The following GPC5 variants were observed in gnomAD, a reference collection of about 807,000 sequenced individuals.
GPC5 encodes glypican-5.
Under a neutral mutation model 53.9 loss-of-function variants are expected in GPC5, and 47 were observed. The ratio of observed to expected loss-of-function variants is 0.87; its 90% CI spans 0.69 to 1.11. The LOEUF (loss-of-function observed/expected upper bound fraction) is 1.11. Among genes scored for constraint, GPC5 ranks in the 50% most tolerant of loss-of-function variants. GPC5 has a pLI of 0.00. For missense variants in GPC5, 748 were observed against 713.1 expected (o/e 1.05, Z -0.56); for synonymous variants, 286 against 263.3 (o/e 1.09, Z -0.84).
At chr13:91,937,523 C>G (rs2039882173) in intron 6 of GPC5, among the ~76,000 whole-genome samples, 1 of 152,018 alleles carries the variant, frequency 6.6e-6, no homozygotes, top group Admixed American at 6.6e-5. Context: ...GAAGAACTGT[C>G]ATGAAGATCT....
chr13:92,740,856 A>G (rs184459436), intron 7 of GPC5, among the ~76,000 whole-genome samples: 1 of 149,150 alleles, frequency 6.7e-6, no homozygotes, highest in East Asian at 2.0e-4. Flanking sequence ...AGTAGCCCAA[A>G]TAACAAATTA....
intron 7 of GPC5, among the ~76,000 whole-genome samples, chr13:92,387,252 A>C (rs1246135224): frequency 1.3e-5 from 2 of 152,144 alleles, no homozygotes; most frequent in Admixed American, 6.6e-5. Context: ...ACACCTTTGT[A>C]TAAAAGTGGC....
At chr13:92,208,784 T>C (rs906451564) in intron 7 of GPC5, among the ~76,000 whole-genome samples, 3 of 152,146 alleles carry the variant, frequency 2.0e-5, no homozygotes, top group African/African-American at 7.2e-5. Context: ...TTTCAATAAC[T>C]TCAGATAAAG....
chr13:91,458,349 T>C (rs74106769), intron 2 of GPC5, among the ~76,000 whole-genome samples: 1,743 of 152,166 alleles, frequency 0.011, 35 homozygotes, highest in African/African-American at 0.041. Flanking sequence ...GTGATTTGAT[T>C]GTAAAATAAT....
At chr13:92,069,941 T>C (rs1333731916) in intron 6 of GPC5, among the ~76,000 whole-genome samples, 1 of 152,204 alleles carries the variant, frequency 6.6e-6, no homozygotes, top group Non-Finnish European at 1.5e-5. Flanking sequence ...TATGCTGTAT[T>C]ACCTGACAAA....
intron 6 of GPC5, among the ~76,000 whole-genome samples, chr13:91,923,548 A>G (rs1028725559): frequency 2.0e-5 from 3 of 152,222 alleles, no homozygotes; most frequent in Non-Finnish European, 4.4e-5. Context: ...AATGTGCATT[A>G]TAATAAACTT....
intron 7 of GPC5, among the ~76,000 whole-genome samples, chr13:92,487,175 C>T (rs1879586497): frequency 6.6e-6 from 1 of 152,066 alleles, no homozygotes; most frequent in Non-Finnish European, 1.5e-5. Context: ...CTTAGAAAGT[C>T]CTATGGAGAG....
chr13:92,794,582 G>C (rs544024473), intron 7 of GPC5, among the ~76,000 whole-genome samples: 1 of 152,158 alleles, frequency 6.6e-6, no homozygotes, highest in African/African-American at 2.4e-5. Context: ...TAGGAAAAGA[G>C]AAAGTCAAAT....
chr13:91,637,730 A>G (rs1339856518), intron 2 of GPC5, among the ~76,000 whole-genome samples: 1 of 152,232 alleles, frequency 6.6e-6, no homozygotes. Context: ...AGTATTGGCC[A>G]TAAAAGAGAA....
intron 7 of GPC5, among the ~76,000 whole-genome samples, chr13:92,346,214 C>T (rs2043410650): frequency 6.6e-6 from 1 of 152,122 alleles, no homozygotes; most frequent in Admixed American, 6.5e-5. Flanking sequence ...TTCCAAGGAG[C>T]ATAGCTTCTG....
intron 6 of GPC5, among the ~76,000 whole-genome samples, chr13:91,999,362 C>T (rs2040534533): frequency 6.6e-6 from 1 of 152,010 alleles, no homozygotes; most frequent in Non-Finnish European, 1.5e-5. Context: ...AGATGATGAC[C>T]ATAATTCCAT....
intron 2 of GPC5, among the ~76,000 whole-genome samples, chr13:91,671,470 T>C (rs1334402769): frequency 1.3e-5 from 2 of 151,954 alleles, no homozygotes; most frequent in Non-Finnish European, 2.9e-5. Flanking sequence ...TCAAGAATTT[T>C]TGGGGCTGAG....
intron 4 of GPC5, among the ~76,000 whole-genome samples, chr13:91,751,566 A>C (rs539862052): frequency 6.6e-6 from 1 of 152,286 alleles, no homozygotes; most frequent in South Asian, 2.1e-4. Flanking sequence ...GCAAAACCTC[A>C]TTAGTTCTTA....
intron 2 of GPC5, among the ~76,000 whole-genome samples, chr13:91,457,576 C>A (rs1478543217): frequency 3.3e-5 from 5 of 152,018 alleles, no homozygotes; most frequent in African/African-American, 1.2e-4. Context: ...GGACAATGCA[C>A]CCTGCCGCAG....
intron 3 of GPC5, among the ~76,000 whole-genome samples, chr13:91,710,520 A>G (rs2036202057): frequency 6.6e-6 from 1 of 152,236 alleles, no homozygotes; most frequent in African/African-American, 2.4e-5. Flanking sequence ...TAAATATTAA[A>G]ACCACATTTT....
chr13:92,658,928 T>TA (rs1033637892), intron 7 of GPC5: 5 of 130,984 alleles, frequency 3.8e-5, no homozygotes, highest in African/African-American at 1.1e-4. Flanking sequence ...TGTTTTGTTT[T>TA]TTTTTTTTTT....
intron 7 of GPC5, among the ~76,000 whole-genome samples, chr13:92,656,140 G>A (rs1886129173): frequency 6.6e-6 from 1 of 152,146 alleles, no homozygotes; most frequent in African/African-American, 2.4e-5. Flanking sequence ...TTGAAATTGG[G>A]AAGCAACAGG....
At chr13:91,572,861 G>A (rs1404369223) in intron 2 of GPC5, among the ~76,000 whole-genome samples, 1 of 152,036 alleles carries the variant, frequency 6.6e-6, no homozygotes, top group Non-Finnish European at 1.5e-5. Flanking sequence ...TAATTCTTAT[G>A]GTGTGCTTAT....
At chr13:91,835,534 A>C (rs1156832742) in intron 5 of GPC5, among the ~76,000 whole-genome samples, 1 of 152,198 alleles carries the variant, frequency 6.6e-6, no homozygotes, top group African/African-American at 2.4e-5. Flanking sequence ...GCACATATAC[A>C]CCATGGAATA....
Sources: allele counts gnomAD v4.1 joint callset (sites outside exome capture counted in the v4.1 genomes callset), GRCh38; gene constraint gnomAD v4.1.1; transcripts MANE v1.5; gene names NCBI Gene and HGNC (gene_info 2026-07-23, HGNC 2026-07-21).